The following MPPED2 variants were observed in gnomAD, a reference collection of about 807,000 sequenced individuals.
The protein encoded by MPPED2 is metallophosphoesterase domain containing 2, also known as metallophosphoesterase MPPED2.
In MPPED2, 5 loss-of-function variants were observed where a neutral mutation model predicts 33.0. That is an observed-to-expected ratio of 0.15 (90% CI 0.08 to 0.32). MPPED2 has a LOEUF of 0.32. MPPED2 is among the 10% of genes least tolerant of loss of function. MPPED2 has a pLI of 1.00. For synonymous variants in MPPED2, 136 were observed against 141.9 expected, an observed-to-expected ratio of 0.96 and a Z score of 0.29; for missense variants, 275 against 372.1, an observed-to-expected ratio of 0.74 and a Z score of 2.15.
chr11:30,543,780 A>G (rs889451372), intron 2 of MPPED2, among the ~76,000 whole-genome samples: 1 of 147,518 alleles, frequency 6.8e-6, no homozygotes, highest in African/African-American at 2.5e-5. Context: ...GCGTTCCAGA[A>G]ATGGCGTTGT....
rs962074050 is a variant in MPPED2 at position 30,446,221 on chromosome 11, G to A, written c.537-28588C>T. The stretch of plus-strand genomic sequence containing the variant: ...GTGTGCGGTTAGAGGAGACTGGCAA[G>A]TCCCCTCTCCTACTCTCTTTCTAGG... On this transcript the variant is annotated intron_variant, in intron 4 of 6. Transcript: ENST00000358117. Among the ~76,000 whole-genome samples the A allele has an allele frequency of 7.2e-5, 11 of 152,320 alleles. No homozygotes were observed. In the East Asian group the frequency reaches 2.1e-3, roughly 29 times the overall value.
At chr11:30,434,924 T>C (rs897453285) in intron 4 of MPPED2, among the ~76,000 whole-genome samples, 1 of 152,196 alleles carries the variant, frequency 6.6e-6, no homozygotes. Flanking sequence ...ATTAGGGTCA[T>C]GCATCTGACT....
At chr11:30,431,641 G>A (rs1210251679) in intron 4 of MPPED2, among the ~76,000 whole-genome samples, 5 of 152,140 alleles carry the variant, frequency 3.3e-5, no homozygotes, top group Non-Finnish European at 7.4e-5. Context: ...CATTCTAGTT[G>A]TATTGGGTCA....
At chr11:30,434,131 C>A (rs185864740) in intron 4 of MPPED2, among the ~76,000 whole-genome samples, 24 of 152,290 alleles carry the variant, frequency 1.6e-4, no homozygotes, top group Admixed American at 1.4e-3. Context: ...CATCTCATGA[C>A]CCTTAATTTA....
At chr11:30,502,913 C>T (rs535911235) in intron 3 of MPPED2, among the ~76,000 whole-genome samples, 1 of 152,308 alleles carries the variant, frequency 6.6e-6, no homozygotes, top group African/African-American at 2.4e-5. Context: ...TGCTATAAAT[C>T]ATTATAGAAT....
At chr11:30,563,556 G>A (rs930832564) in intron 2 of MPPED2, among the ~76,000 whole-genome samples, 9 of 152,252 alleles carry the variant, frequency 5.9e-5, no homozygotes, top group Admixed American at 5.2e-4. Context: ...ACAGGAGATA[G>A]TAGGGGCAAT....
chr11:30,536,348 C>T (rs987894401), intron 2 of MPPED2, among the ~76,000 whole-genome samples, 173 bp from the exon 3 acceptor site: 2 of 152,122 alleles, frequency 1.3e-5, no homozygotes, highest in Non-Finnish European at 2.9e-5. Flanking sequence ...ACAGCATCAC[C>T]CATTTACAAA....
intron 2 of MPPED2, among the ~76,000 whole-genome samples, chr11:30,539,613 T>C (rs898738596): frequency 6.6e-6 from 1 of 152,118 alleles, no homozygotes; most frequent in Non-Finnish European, 1.5e-5. Flanking sequence ...TTGTTGGTTG[T>C]TTTTTCTTTT....
chr11:30,418,943 T>C (rs1948491474), intron 4 of MPPED2, among the ~76,000 whole-genome samples: 1 of 152,206 alleles, frequency 6.6e-6, no homozygotes, highest in South Asian at 2.1e-4. Flanking sequence ...CAAACCTCAG[T>C]TCACGCTGAT....
At chr11:30,491,138 C>T (rs1239148724) in intron 4 of MPPED2, among the ~76,000 whole-genome samples, 1 of 152,122 alleles carries the variant, frequency 6.6e-6, no homozygotes, top group Non-Finnish European at 1.5e-5. Flanking sequence ...TGGAAAAAAT[C>T]TAATTTCCGA....
chr11:30,578,120 C>T (rs192707306), intron 2 of MPPED2, among the ~76,000 whole-genome samples: 22 of 152,116 alleles, frequency 1.4e-4, no homozygotes, highest in Admixed American at 1.2e-3. Flanking sequence ...GGATTGGAAA[C>T]GGATAGGTAG....
chr11:30,582,930 C>T (rs1957233661), intron 1 of MPPED2, among the ~76,000 whole-genome samples: 1 of 152,166 alleles, frequency 6.6e-6, no homozygotes, highest in Admixed American at 6.5e-5. Context: ...CGAAACAGTG[C>T]ACCTGCAGCG....
At chr11:30,441,981 T>C (rs1053333932) in intron 4 of MPPED2, among the ~76,000 whole-genome samples, 3 of 152,222 alleles carry the variant, frequency 2.0e-5, no homozygotes, top group Non-Finnish European at 4.4e-5. Flanking sequence ...GTGCCTGGCA[T>C]GCAGAAGATG....
At chr11:30,411,648 G>T in intron 6 of MPPED2, 62 bp from the exon 7 acceptor site, 1 of 1,444,326 alleles carries the variant, frequency 6.9e-7, no homozygotes, top group East Asian at 2.4e-5. Flanking sequence ...GGAATGTAGG[G>T]CTGTCAGGCA....
intron 4 of MPPED2, among the ~76,000 whole-genome samples, chr11:30,458,372 A>G (rs1013995229): frequency 6.6e-6 from 1 of 152,202 alleles, no homozygotes; most frequent in African/African-American, 2.4e-5. Context: ...CCATGTATAT[A>G]ATTGGAGTCT....
Position 30,441,713 on chromosome 11 carries a change from G to T in MPPED2, c.537-24080C>A, listed in dbSNP as rs150245323. 2.5e-4 allele frequency among the ~76,000 whole-genome samples: 38 copies of T among 152,238 alleles called. 1 individual carries two copies. Among genetic ancestry groups the T allele is most frequent in the African/African-American group, 8.9e-4 (37 of 41,540 alleles). ...TAAAGCTTCGGCCTCAGCTTTTCCA[G>T]CATGACAGCCTTCATTCTCTTGCCC... On this transcript the variant is annotated intron_variant, in intron 4 of 6. Coordinates refer to ENST00000358117, the MANE Select transcript of MPPED2 (RefSeq NM_001584.3).
rs1018887297 is a variant in MPPED2 at position 30,569,128 on chromosome 11, G to A, written c.128+11118C>T. ...TCCAAGATAAACAGTGGAGCGTGCC[G>A]ACAGCCATTAACATCGTGGTGGGGT... is the stretch of plus-strand genomic sequence containing the variant. On this transcript the variant is annotated intron_variant, in intron 2 of 6. Transcript: ENST00000358117. Among the ~76,000 whole-genome samples, 9 of 152,072 alleles carry A rather than the reference G, an allele frequency of 5.9e-5. No homozygotes were observed. In the South Asian group the frequency reaches 6.2e-4, roughly 11 times the overall value.
chr11:30,537,870 T>G (rs1016164877), intron 2 of MPPED2, among the ~76,000 whole-genome samples: 3 of 152,316 alleles, frequency 2.0e-5, no homozygotes, highest in African/African-American at 7.2e-5. Flanking sequence ...CTCCTCATTA[T>G]AGCCGATGTT....
At chr11:30,577,447 C>CA (rs1344004998) in intron 2 of MPPED2, among the ~76,000 whole-genome samples, 2 of 152,132 alleles carry the variant, frequency 1.3e-5, no homozygotes, top group African/African-American at 4.8e-5. Flanking sequence ...AATAAATGAG[C>CA]AACTACGCAA....
Sources: gnomAD v4.1 joint callset for allele counts (sites outside exome capture counted in the v4.1 genomes callset) on GRCh38, gnomAD v4.1.1 for gene constraint, MANE v1.5 for transcripts, NCBI Gene and HGNC (gene_info 2026-07-23, HGNC 2026-07-21) for gene names.